Variants in TLL1 observed in about 807,000 individuals in gnomAD.
TLL1 encodes tolloid-like protein 1.
In TLL1, 49 loss-of-function variants were observed where a neutral mutation model predicts 128.2. That is an observed-to-expected ratio of 0.38 (90% CI 0.30 to 0.48). The LOEUF is 0.48. Among genes scored for constraint, TLL1 ranks in the 20% least tolerant of loss-of-function variants. TLL1 has a pLI of 0.96. For synonymous variants in TLL1, 454 were observed against 418.8 expected (o/e 1.08, Z -1.03); for missense variants, 1,123 against 1,242.0 (o/e 0.90, Z 1.44).
At chr4:166,057,764 C>T (rs1161518199) in intron 14 of TLL1, among the ~76,000 whole-genome samples, 1 of 152,112 alleles carries the variant, frequency 6.6e-6, no homozygotes, top group Admixed American at 6.6e-5. Flanking sequence ...GCAGGGGACT[C>T]CTTTTTGTAA....
chr4:165,898,405 T>C (rs1021224187), intron 1 of TLL1, among the ~76,000 whole-genome samples: 7 of 152,234 alleles, frequency 4.6e-5, no homozygotes, highest in African/African-American at 1.7e-4. Flanking sequence ...ATACATTCCA[T>C]CAATACCTAG....
At chr4:165,979,506 A>T (rs887428135) in intron 1 of TLL1, among the ~76,000 whole-genome samples, 1 of 152,302 alleles carries the variant, frequency 6.6e-6, no homozygotes, top group South Asian at 2.1e-4. Flanking sequence ...GGAAGAATAG[A>T]AACATGTACA....
intron 15 of TLL1, 53 bp downstream of exon 15, chr4:166,060,241 G>C: frequency 6.4e-7 from 1 of 1,569,190 alleles, no homozygotes; most frequent in East Asian, 2.3e-5. Context: ...ACTCCCTGAA[G>C]GCAAACTGTG....
chr4:165,901,021 G>C (rs771294073), intron 1 of TLL1, among the ~76,000 whole-genome samples: 1 of 151,626 alleles, frequency 6.6e-6, no homozygotes, highest in Non-Finnish European at 1.5e-5. Flanking sequence ...CTTCTGCTTG[G>C]TTGATTCAGG....
chr4:166,047,867 G>T (rs981605559), intron 12 of TLL1, among the ~76,000 whole-genome samples: 1 of 152,104 alleles, frequency 6.6e-6, no homozygotes, highest in Non-Finnish European at 1.5e-5. Context: ...AAAGGTGATG[G>T]TATTAGCAGT....
rs139204068 is a variant in TLL1, at chr4:166,070,752, T to C, written c.2189-4126T>C. Among the ~76,000 whole-genome samples the C allele has an allele frequency of 4.2e-3, 643 of 152,054 alleles. 7 individuals carry two copies. The highest frequency in any genetic ancestry group is 0.015 in the African/African-American group (610 of 41,542). ...TTTCAATTGACATGCTCCTCATCTATCTTTCTTTCACTGTGTCTCGATATT... is the reference window on the plus strand; with the variant it reads ...TTTCAATTGACATGCTCCTCATCTACCTTTCTTTCACTGTGTCTCGATATT... On this transcript the variant is annotated intron_variant, in intron 16 of 20. Coordinates refer to ENST00000061240, the MANE Select transcript of TLL1 (RefSeq NM_012464.5).
chr4:165,990,068 G>C (rs2111010741), intron 2 of TLL1, among the ~76,000 whole-genome samples: 1 of 151,642 alleles, frequency 6.6e-6, no homozygotes, highest in East Asian at 1.9e-4. Context: ...ACCCCAGAAG[G>C]CAATTTTAAT....
chr4:166,099,035 A>T (rs1742158139), intron 19 of TLL1, among the ~76,000 whole-genome samples: 1 of 152,082 alleles, frequency 6.6e-6, no homozygotes, highest in Non-Finnish European at 1.5e-5. Flanking sequence ...GACATCACTT[A>T]CCCAGAGTCA....
At chr4:165,960,536 C>G (rs541345484) in intron 1 of TLL1, among the ~76,000 whole-genome samples, 43 of 152,150 alleles carry the variant, frequency 2.8e-4, no homozygotes, top group South Asian at 1.0e-3. Flanking sequence ...GCCAATATTC[C>G]TGATGAACAT....
chr4:166,093,577 G>T (rs1741879555), intron 19 of TLL1, among the ~76,000 whole-genome samples: 1 of 152,148 alleles, frequency 6.6e-6, no homozygotes, highest in Admixed American at 6.5e-5. Flanking sequence ...GGAGACAGTG[G>T]CTTTCCTCTA....
At chr4:165,938,409 G>A (rs1733859586) in intron 1 of TLL1, among the ~76,000 whole-genome samples, 3 of 152,062 alleles carry the variant, frequency 2.0e-5, no homozygotes, top group Admixed American at 2.0e-4. Context: ...GGCACTAGGT[G>A]AACCATTTTT....
At chr4:165,885,815 T>A (rs1346663347) in intron 1 of TLL1, among the ~76,000 whole-genome samples, 1 of 152,164 alleles carries the variant, frequency 6.6e-6, no homozygotes, top group Non-Finnish European at 1.5e-5. Context: ...AGAAGAACTA[T>A]AGGCAACAAA....
intron 12 of TLL1, among the ~76,000 whole-genome samples, chr4:166,050,872 C>A (rs1226946116): frequency 6.6e-6 from 1 of 152,176 alleles, no homozygotes; most frequent in Non-Finnish European, 1.5e-5. Flanking sequence ...AAGATATGAA[C>A]CCTCAGTAGT....
chr4:165,888,589 A>G (rs78494843), intron 1 of TLL1, among the ~76,000 whole-genome samples: 21 of 151,726 alleles, frequency 1.4e-4, no homozygotes, highest in East Asian at 9.7e-4. Context: ...GCACAAGATC[A>G]CTTTAAACTA....
chr4:165,991,603 T>A (rs1736639086), intron 2 of TLL1, among the ~76,000 whole-genome samples: 1 of 152,014 alleles, frequency 6.6e-6, no homozygotes, highest in South Asian at 2.1e-4. Context: ...TCTAACTTAT[T>A]TGCCTTATAA....
chr4:166,083,768 T>C (rs533703896), intron 18 of TLL1, among the ~76,000 whole-genome samples: 12 of 151,260 alleles, frequency 7.9e-5, no homozygotes, highest in African/African-American at 2.9e-4. Context: ...ATATACCACA[T>C]TTTGTAATCC....
chr4:165,897,149 T>G (rs1163699915), intron 1 of TLL1, among the ~76,000 whole-genome samples: 5 of 152,190 alleles, frequency 3.3e-5, no homozygotes, highest in African/African-American at 9.6e-5. Context: ...CCTTGTCAGA[T>G]GGACAGATTG....
At chr4:166,077,179 A>G (rs188451789) in intron 17 of TLL1, among the ~76,000 whole-genome samples, 33 of 152,142 alleles carry the variant, frequency 2.2e-4, no homozygotes, top group African/African-American at 7.7e-4. Flanking sequence ...TTTGAAATTT[A>G]ACATTAACCA....
chr4:166,007,386 T>G (rs1450325780), intron 6 of TLL1, among the ~76,000 whole-genome samples: 1 of 151,750 alleles, frequency 6.6e-6, no homozygotes, highest in African/African-American at 2.4e-5. Flanking sequence ...AATAAACTTG[T>G]TTCATTTTTA....
Sources: gnomAD v4.1 joint callset for allele counts (sites outside exome capture counted in the v4.1 genomes callset) on GRCh38, gnomAD v4.1.1 for gene constraint, MANE v1.5 for transcripts, NCBI Gene and HGNC (gene_info 2026-07-23, HGNC 2026-07-21) for gene names.